TMEM255B: variants seen among roughly 807,000 people sequenced by gnomAD.
TMEM255B encodes the protein transmembrane protein 255B, also known as family with sequence similarity 70, member B.
A neutral mutation model predicts 34.5 loss-of-function variants in TMEM255B; 35 were observed. The ratio of observed to expected loss-of-function variants is 1.01; its 90% CI spans 0.77 to 1.34. The LOEUF (loss-of-function observed/expected upper bound fraction) is 1.34, where lower values mean the gene tolerates loss of function less well. Among genes scored for constraint, TMEM255B ranks in the 40% most tolerant of loss-of-function variants. The pLI is 0.00. For synonymous variants in TMEM255B, 206 were observed against 201.2 expected, an observed-to-expected ratio of 1.02 and a Z score of -0.20; for missense variants, 432 against 433.2, an observed-to-expected ratio of 1.00 and a Z score of 0.02.
chr13:113,810,701 C>G (rs7332546), intron 8 of TMEM255B, among the ~76,000 whole-genome samples: 1 of 152,110 alleles, frequency 6.6e-6, no homozygotes, highest in African/African-American at 2.4e-5. Context: ...CTTTCCTTAA[C>G]GCCTTCAGTG....
At chr13:113,793,895 T>A (rs2050875011) in intron 3 of TMEM255B, among the ~76,000 whole-genome samples, 2 of 152,094 alleles carry the variant, frequency 1.3e-5, no homozygotes, top group Admixed American at 1.3e-4. Context: ...CCACCACTGG[T>A]CCATGGCCTG....
chr13:113,811,778 T>C lies in TMEM255B; in HGVS notation c.856T>C (p.Ser286Pro), dbSNP rs1167747204. ...AGTTGCGCCCTCCTCTGCCCTGGCT[T>C]CGTCTGAGGACCTGCAGCCCCCTTC... ...FPVAPSSALA[S>P]SEDLQPPSPS... Residue 286 changes from serine to proline, a missense_variant, in exon 9 of 9, where the codon TCG becomes CCG. Transcript: ENST00000375353. 6.2e-7 allele frequency: 1 copy of C among 1,613,764 alleles called. No homozygotes were observed. The highest frequency in any genetic ancestry group is 8.5e-7 in the Non-Finnish European group (1 of 1,179,896).
intron 3 of TMEM255B, among the ~76,000 whole-genome samples, chr13:113,782,791 G>A (rs1045343510): frequency 6.6e-6 from 1 of 152,214 alleles, no homozygotes; most frequent in East Asian, 1.9e-4. Flanking sequence ...GGGGGCAGGG[G>A]TTTAGGACAA....
intron 3 of TMEM255B, among the ~76,000 whole-genome samples, chr13:113,774,566 C>G (rs1165157446): frequency 7.1e-6 from 1 of 140,118 alleles, no homozygotes; most frequent in African/African-American, 2.8e-5. Flanking sequence ...ACACACACAA[C>G]ACACATGACA....
Position 113,811,806 on chromosome 13 carries a change from C to T in TMEM255B, c.884C>T (p.Pro295Leu), listed in dbSNP as rs1461756309. 3.7e-6 allele frequency: 6 copies of T among 1,613,854 alleles called. No homozygotes were observed. The highest frequency in any genetic ancestry group is 4.5e-5 in the East Asian group (2 of 44,904). The change falls in exon 9 of 9, where the codon CCA (proline) becomes CTA (leucine). Residue 295 changes from proline (P) to leucine (L), a missense_variant. Pro to Leu is a moderately conservative substitution (Grantham distance 98). Coordinates refer to ENST00000375353, the MANE Select transcript of TMEM255B (RefSeq NM_182614.4). ...TCTGAGGACCTGCAGCCCCCTTCTC[C>T]AAGCAGCTCTGGCTCTGGGCTTCCC... ...ASSEDLQPPS[P>L]SSSGSGLPGQ... is the part of the protein sequence containing the mutation.
rs914624770 is a variant in TMEM255B, at chr13:113,802,301, G to A, written c.669+489G>A. On this transcript the variant is annotated intron_variant, in intron 7 of 8. Transcript: ENST00000375353. Reference sequence around the variant, plus strand: ...ATCCTGGAAAGGCCGGCCCTCGCCCGGGAAACCACAGGGAAATCACTGGCC... The same window carrying A: ...ATCCTGGAAAGGCCGGCCCTCGCCCAGGAAACCACAGGGAAATCACTGGCC... Among the ~76,000 whole-genome samples, 20 of 152,334 alleles carry A rather than the reference G, an allele frequency of 1.3e-4. No homozygotes were observed. The East Asian group carries it at 2.3e-3, about 18-fold the overall frequency.
chr13:113,759,460 CTG>C (rs1363389751), intron 1 of TMEM255B, 145 bp downstream of exon 1: 11 of 747,760 alleles, frequency 1.5e-5, no homozygotes, highest in Non-Finnish European at 2.0e-5. Flanking sequence ...CCTTCGAGCT[CTG>C]TCTTTGGAAC....
At chr13:113,786,200 T>C (rs1246296567) in intron 3 of TMEM255B, among the ~76,000 whole-genome samples, 1 of 151,852 alleles carries the variant, frequency 6.6e-6, no homozygotes, top group Non-Finnish European at 1.5e-5. Flanking sequence ...CTGTCACCAT[T>C]GTCACCATCG....
chr13:113,810,290 T>A (rs2051274061), intron 8 of TMEM255B, among the ~76,000 whole-genome samples: 1 of 152,060 alleles, frequency 6.6e-6, no homozygotes, highest in Non-Finnish European at 1.5e-5. Context: ...TTAGAAGGAG[T>A]TTGTTTGCTT....
chr13:113,801,862 G>A lies in TMEM255B; in HGVS notation c.669+50G>A, dbSNP rs574179074. 1.9e-4 allele frequency: 290 copies of A among 1,510,806 alleles called. 1 individual carries two copies. Among genetic ancestry groups the A allele is most frequent in the Middle Eastern group, 4.4e-4 (2 of 4,590 alleles). The allele number at this position is 1,510,806 out of a possible 1,614,324, so 93.6% of individuals were successfully genotyped here. A position where few individuals can be genotyped will look rare whatever the true frequency, so the allele number is the denominator to read the frequency against. On this transcript the variant is annotated intron_variant, in intron 7 of 8. Transcript: ENST00000375353. ...GCTGCTCACTGGGAGCCGGGGCTCC[G>A]GGTCCATTTCCCCGGGGTGGGCTGG...
rs922841106 is a variant in TMEM255B, at chr13:113,770,631, C to T, written c.252+1471C>T. 3.9e-5 allele frequency among the ~76,000 whole-genome samples: 6 copies of T among 152,168 alleles called. No individual in the cohort carries two copies. The highest frequency in any genetic ancestry group is 2.1e-4 in the South Asian group (1 of 4,830). ...TTCTTGGCTAGCAGTTGCAAAGAGA[C>T]GGAGAGATAGGCCCGGCATTTCCTC... On this transcript the variant is annotated intron_variant, in intron 3 of 8. Transcript: ENST00000375353. This position sits in a 1 kb window ranked among gnomAD's most constrained non-coding sequence, Gnocchi z 4.6.
At chr13:113,763,348 G>A (rs2050337928) in intron 1 of TMEM255B, among the ~76,000 whole-genome samples, 1 of 152,016 alleles carries the variant, frequency 6.6e-6, no homozygotes, top group Non-Finnish European at 1.5e-5. Flanking sequence ...TTTCTAAAAC[G>A]AATCAACCAG....
Position 113,788,604 on chromosome 13 carries a change from C to T in TMEM255B, c.253-6544C>T, listed in dbSNP as rs146550902. Reference sequence around the variant, plus strand: ...CGTACACAGCCATCTTAGCCGTCATCGTGTGGGTGATAACAGACCTGTGAG... The same window carrying T: ...CGTACACAGCCATCTTAGCCGTCATTGTGTGGGTGATAACAGACCTGTGAG... On this transcript the variant is annotated intron_variant, in intron 3 of 8. Transcript: ENST00000375353. 2.2e-3 allele frequency among the ~76,000 whole-genome samples: 332 copies of T among 152,204 alleles called. 2 individuals carry two copies. The highest frequency in any genetic ancestry group is 7.4e-3 in the African/African-American group (306 of 41,510).
intron 3 of TMEM255B, 106 bp from the exon 4 acceptor site, chr13:113,795,042 G>C: frequency 1.0e-6 from 1 of 992,240 alleles, no homozygotes; most frequent in Admixed American, 2.0e-5. Context: ...AGAAGAGGCA[G>C]TTCTGTGAAA....
chr13:113,783,006 G>A (rs1393154031), intron 3 of TMEM255B, among the ~76,000 whole-genome samples: 1 of 152,072 alleles, frequency 6.6e-6, no homozygotes, highest in Non-Finnish European at 1.5e-5. Context: ...CTGCATTTAG[G>A]AGGTCCCACT....
At chr13:113,766,566 G>A in intron 2 of TMEM255B, 1 of 436,820 alleles carries the variant, frequency 2.3e-6, no homozygotes, top group South Asian at 2.2e-5. Flanking sequence ...GGCAGGAGGG[G>A]GGCCAGAGCC....
At chr13:113,764,693 C>T (rs575644861) in intron 1 of TMEM255B, among the ~76,000 whole-genome samples, 60 of 152,330 alleles carry the variant, frequency 3.9e-4, no homozygotes, top group African/African-American at 1.3e-3. Context: ...CTCTCACATG[C>T]GAGGATGCTC....
intron 3 of TMEM255B, among the ~76,000 whole-genome samples, chr13:113,777,793 C>G (rs560702628): frequency 1.3e-5 from 2 of 152,346 alleles, no homozygotes; most frequent in Admixed American, 1.3e-4. Context: ...CCTGTGCAGC[C>G]TGGGCGGCCT....
At chr13:113,805,296 G>A (rs1006390404) in intron 8 of TMEM255B, among the ~76,000 whole-genome samples, 2 of 152,202 alleles carry the variant, frequency 1.3e-5, no homozygotes, top group African/African-American at 4.8e-5. Flanking sequence ...CCCCGCACAG[G>A]CCTGGGCAGC....
Sources: gnomAD v4.1 joint callset for allele counts (sites outside exome capture counted in the v4.1 genomes callset) on GRCh38, gnomAD v4.1.1 for gene constraint, Gnocchi (gnomAD v3.1) non-coding constraint, MANE v1.5 for transcripts, NCBI Gene and HGNC (gene_info 2026-07-23, HGNC 2026-07-21) for gene names.